The following TACC2 variants were observed in gnomAD, a reference collection of about 807,000 sequenced individuals.
TACC2 encodes the protein transforming acidic coiled-coil containing protein 2.
Under a neutral mutation model 227.3 loss-of-function variants are expected in TACC2, and 137 were observed. The observed-to-expected ratio is 0.60, with a 90% CI of 0.52 to 0.69. The LOEUF (loss-of-function observed/expected upper bound fraction) is 0.69. TACC2 is among the 30% of genes least tolerant of loss of function. TACC2 has a pLI of 0.00. For synonymous variants in TACC2, 1,523 were observed against 1,487.5 expected (o/e 1.02, Z -0.55); for missense variants, 3,470 against 3,694.4 (o/e 0.94, Z 1.57).
At chr10:122,249,788 C>T in intron 22 of TACC2, 124 bp downstream of exon 22, 1 of 1,177,728 alleles carries the variant, frequency 8.5e-7, no homozygotes, top group Non-Finnish European at 1.2e-6. Flanking sequence ...ATTCATGCTT[C>T]ATGAGCATAC....
intron 11 of TACC2, among the ~76,000 whole-genome samples, chr10:122,219,865 C>G (rs2141214357): frequency 6.6e-6 from 1 of 151,938 alleles, no homozygotes; most frequent in South Asian, 2.1e-4. Context: ...TGGAGAAACC[C>G]CATCTGTAGT....
At chr10:122,140,526 G>A (rs1030963239) in intron 6 of TACC2, among the ~76,000 whole-genome samples, 2 of 152,230 alleles carry the variant, frequency 1.3e-5, no homozygotes, top group South Asian at 4.1e-4. Context: ...CTTTCCGCCA[G>A]AGGAAGACAG....
intron 7 of TACC2, among the ~76,000 whole-genome samples, chr10:122,183,715 T>C (rs2094061909): frequency 6.6e-6 from 1 of 152,124 alleles, no homozygotes. Context: ...GAGACTGATT[T>C]GCAAATAAGG....
intron 5 of TACC2, among the ~76,000 whole-genome samples, chr10:122,105,892 G>T (rs1294747764): frequency 3.3e-5 from 5 of 151,354 alleles, no homozygotes; most frequent in Non-Finnish European, 5.9e-5. Flanking sequence ...CAAAGTGCTG[G>T]GATTACAGGC....
intron 5 of TACC2, among the ~76,000 whole-genome samples, chr10:122,097,508 C>A (rs758091596): frequency 6.6e-6 from 1 of 150,968 alleles, no homozygotes; most frequent in Non-Finnish European, 1.5e-5. Context: ...GTTTTCAGGC[C>A]AGGAGTACAC....
intron 7 of TACC2, among the ~76,000 whole-genome samples, chr10:122,174,859 C>G (rs1036296402): frequency 6.6e-6 from 1 of 152,206 alleles, no homozygotes; most frequent in African/African-American, 2.4e-5. Context: ...ACATCTCTCC[C>G]CCATGTCCCA....
At chr10:122,015,627 G>A (rs567843181) in intron 1 of TACC2, among the ~76,000 whole-genome samples, 4 of 152,102 alleles carry the variant, frequency 2.6e-5, no homozygotes, top group South Asian at 4.2e-4. Flanking sequence ...TGAGGTGGGC[G>A]GATCACCTGA....
intron 18 of TACC2, 115 bp from the exon 19 acceptor site, chr10:122,241,843 G>A (rs2096002948): frequency 3.2e-6 from 3 of 923,756 alleles, no homozygotes; most frequent in Non-Finnish European, 3.6e-6. Flanking sequence ...GACATTGAAG[G>A]TGACCCTGGA....
At chr10:122,040,657 C>T (rs2074137205) in intron 2 of TACC2, among the ~76,000 whole-genome samples, 1 of 144,566 alleles carries the variant, frequency 6.9e-6, no homozygotes, top group African/African-American at 2.6e-5. Flanking sequence ...GACATTCAAT[C>T]CTATTATTAT....
intron 7 of TACC2, among the ~76,000 whole-genome samples, chr10:122,155,167 C>G (rs2092380892): frequency 6.6e-6 from 1 of 152,242 alleles, no homozygotes; most frequent in Non-Finnish European, 1.5e-5. Context: ...ATCTCCACCA[C>G]CGGGCCACTG....
chr10:122,091,995 A>T (rs183244953), intron 5 of TACC2, among the ~76,000 whole-genome samples: 2 of 152,326 alleles, frequency 1.3e-5, no homozygotes, highest in Admixed American at 1.3e-4. Context: ...TGAGGGTTAA[A>T]TGAGATCCTT....
chr10:122,055,176 C>T (rs1202912095), intron 3 of TACC2, among the ~76,000 whole-genome samples: 1 of 151,860 alleles, frequency 6.6e-6, no homozygotes, highest in African/African-American at 2.4e-5. Context: ...GCTGAGATTG[C>T]ACCACTGCAC....
At position 122,254,333 on chromosome 10, in the gene TACC2, G is replaced by T; in HGVS notation, c.*277G>T. 2.2e-6 allele frequency: 1 copy of T among 460,000 alleles called. No homozygotes were observed. Among genetic ancestry groups the T allele is most frequent in the Non-Finnish European group, 4.0e-6 (1 of 250,070 alleles). 28.5% of individuals were successfully genotyped at this position (460,000 alleles called of 1,614,324 possible). Reference sequence around the variant, plus strand: ...CTGATTCTCTAATAAAAGACACATTGCTGACCTTGGCCTTGCCCTTTGTAC... The same window carrying T: ...CTGATTCTCTAATAAAAGACACATTTCTGACCTTGGCCTTGCCCTTTGTAC... On this transcript the variant is annotated 3_prime_UTR_variant, in exon 23 of 23. Coordinates refer to ENST00000369005, the MANE Select transcript of TACC2 (RefSeq NM_206862.4).
intron 3 of TACC2, among the ~76,000 whole-genome samples, chr10:122,063,695 C>T (rs2136487514): frequency 6.6e-6 from 1 of 152,110 alleles, no homozygotes; most frequent in South Asian, 2.1e-4. Context: ...TTAGTGTTTT[C>T]CTCACACTCT....
intron 11 of TACC2, among the ~76,000 whole-genome samples, chr10:122,221,589 G>C (rs1349749864): frequency 6.6e-6 from 1 of 152,090 alleles, no homozygotes; most frequent in Non-Finnish European, 1.5e-5. Flanking sequence ...GGTGACGGTG[G>C]GGAAGCTGGG....
chr10:122,170,230 C>G (rs1354403782), intron 7 of TACC2, among the ~76,000 whole-genome samples: 1 of 148,996 alleles, frequency 6.7e-6, no homozygotes, highest in Non-Finnish European at 1.5e-5. Context: ...CTTATTCACC[C>G]AGGTGCTCAA....
At position 122,102,708 on chromosome 10, in the gene TACC2, G is replaced by T. The variant is rs546896138; in HGVS notation, c.5573+14117G>T. Among the ~76,000 whole-genome samples, 18 of 152,300 alleles carry T rather than the reference G, an allele frequency of 1.2e-4. No homozygotes were observed. The East Asian group carries it at 2.9e-3, about 25-fold the overall frequency. On this transcript the variant is annotated intron_variant, in intron 5 of 22. Coordinates refer to ENST00000369005, the MANE Select transcript of TACC2 (RefSeq NM_206862.4). ...GTACATTTGGCTTGTGAGACCAGCC[G>T]TCAGCACTTTGGCTCATGGAACACA...
intron 16 of TACC2, among the ~76,000 whole-genome samples, chr10:122,235,693 T>G (rs2095844543): frequency 6.6e-6 from 1 of 152,182 alleles, no homozygotes. Context: ...GATGAACCCC[T>G]GCATGTGAGG....
rs1005737153 is a variant in TACC2 at position 122,027,215 on chromosome 10, G to A, written c.33+5201G>A. 7.2e-5 allele frequency among the ~76,000 whole-genome samples: 11 copies of A among 152,174 alleles called. No individual in the cohort carries two copies. In the South Asian group the frequency reaches 1.9e-3, roughly 26 times the overall value. On this transcript the variant is annotated intron_variant, in intron 2 of 22. Transcript: ENST00000369005. ...CATTTCTCTGTTGACATAGGATGTG[G>A]AACATCTTTTCATACACTTATTTGC...
Sources: gnomAD v4.1 joint callset for allele counts (sites outside exome capture counted in the v4.1 genomes callset) on GRCh38, gnomAD v4.1.1 for gene constraint, MANE v1.5 for transcripts, NCBI Gene and HGNC (gene_info 2026-07-23, HGNC 2026-07-21) for gene names.